Variants in INTU observed in about 807,000 individuals in gnomAD.
INTU encodes the protein inturned planar cell polarity protein.
A neutral mutation model predicts 100.5 loss-of-function variants in INTU; 68 were observed. That is an observed-to-expected ratio of 0.68 (90% CI 0.56 to 0.83). The LOEUF is 0.83. INTU is among the 40% of genes least tolerant of loss of function. The pLI, the probability that INTU is intolerant of heterozygous loss-of-function variation, is 0.00. For missense variants in INTU, 1,071 were observed against 1,114.7 expected, an observed-to-expected ratio of 0.96 and a Z score of 0.56; for synonymous variants, 357 against 395.7, an observed-to-expected ratio of 0.90 and a Z score of 1.16.
chr4:127,705,472 C>A, intron 10 of INTU, 119 bp from the exon 11 acceptor site: 1 of 748,058 alleles, frequency 1.3e-6, no homozygotes, highest in Non-Finnish European at 2.3e-6. Flanking sequence ...TCATTTACCC[C>A]ATTTGAAACT....
chr4:127,645,456 A>T (rs183564683), intron 2 of INTU, among the ~76,000 whole-genome samples: 105 of 152,322 alleles, frequency 6.9e-4, no homozygotes, highest in African/African-American at 2.5e-3. Flanking sequence ...CTGTAACTGC[A>T]TGAGGAATCC....
chr4:127,691,148 T>C (rs1730103610), intron 8 of INTU, among the ~76,000 whole-genome samples: 2 of 152,196 alleles, frequency 1.3e-5, no homozygotes, highest in African/African-American at 4.8e-5. Context: ...CTTAGTAATA[T>C]ACATTTTAAG....
chr4:127,706,410 A>T, intron 11 of INTU, 77 bp from the exon 12 acceptor site: 1 of 1,254,884 alleles, frequency 8.0e-7, no homozygotes, highest in Non-Finnish European at 1.1e-6. Context: ...TTCGATATTT[A>T]TAAGTTTATA....
intron 14 of INTU, among the ~76,000 whole-genome samples, chr4:127,711,535 C>A (rs1249292343): frequency 6.6e-6 from 1 of 152,134 alleles, no homozygotes; most frequent in East Asian, 1.9e-4. Flanking sequence ...CCCCCTGGGC[C>A]ACATACCAGT....
intron 1 of INTU, among the ~76,000 whole-genome samples, chr4:127,642,310 T>C (rs966348489): frequency 5.6e-4 from 85 of 152,224 alleles, no homozygotes; most frequent in Non-Finnish European, 8.2e-4. Flanking sequence ...AAAGAAATGT[T>C]AGTTTTGATA....
In INTU at chr4:127,657,642, G is replaced by T. The variant is rs146890734; in HGVS notation, c.768+921G>T. Among the ~76,000 whole-genome samples, 41 of 152,016 alleles carry T rather than the reference G, an allele frequency of 2.7e-4. 1 individual carries two copies. The highest frequency in any genetic ancestry group is 3.4e-3 in the Middle Eastern group (1 of 294). On this transcript the variant is annotated intron_variant, in intron 3 of 15. Coordinates refer to ENST00000335251, the MANE Select transcript of INTU (RefSeq NM_015693.4). ...CAGGGGTGGCATTAGATTCTCCTAGGAGCACGAACCCTATTGTGATCTGTG... is the reference window on the plus strand; with the variant it reads ...CAGGGGTGGCATTAGATTCTCCTAGTAGCACGAACCCTATTGTGATCTGTG...
At chr4:127,675,804 C>A in intron 6 of INTU, 1 of 173,256 alleles carries the variant, frequency 5.8e-6, no homozygotes, top group East Asian at 1.6e-4. Context: ...AGCCAAAAGA[C>A]AGAAAGAGGG....
intron 6 of INTU, among the ~76,000 whole-genome samples, chr4:127,679,228 G>C (rs1049327211): frequency 2.6e-5 from 4 of 152,124 alleles, no homozygotes; most frequent in African/African-American, 9.7e-5. Context: ...CCCAGGAATT[G>C]AACTCAGCTC....
intron 2 of INTU, among the ~76,000 whole-genome samples, chr4:127,649,794 A>T (rs1727756686): frequency 6.6e-6 from 1 of 152,218 alleles, no homozygotes; most frequent in Non-Finnish European, 1.5e-5. Flanking sequence ...TGCCTGGCAC[A>T]CATTAAGTGC....
chr4:127,651,073 T>G lies in INTU; in HGVS notation c.683-5563T>G, dbSNP rs1254828508. ...CACTTTTTGATGGGGTTGTTTGTTT[T>G]TTTCTTGTAAATTTGTTTGAGTTCA... On this transcript the variant is annotated intron_variant, in intron 2 of 15. Coordinates refer to ENST00000335251, the MANE Select transcript of INTU (RefSeq NM_015693.4). Among the ~76,000 whole-genome samples the G allele has an allele frequency of 8.5e-5, 13 of 152,234 alleles. No individual in the cohort carries two copies. The East Asian group carries it at 2.1e-3, about 25-fold the overall frequency.
intron 2 of INTU, among the ~76,000 whole-genome samples, chr4:127,649,383 C>T (rs975872819): frequency 6.6e-6 from 1 of 152,112 alleles, no homozygotes; most frequent in African/African-American, 2.4e-5. Context: ...AACAAAGACT[C>T]TCAATGCCTC....
At chr4:127,673,378 TCTTA>T (rs1369657342) in intron 5 of INTU, among the ~76,000 whole-genome samples, 1 of 150,174 alleles carries the variant, frequency 6.7e-6, no homozygotes, top group Non-Finnish European at 1.5e-5. Context: ...AGAGATGCGG[TCTTA>T]CTTTGTTCCC....
At chr4:127,694,041 T>C (rs1730272980) in intron 8 of INTU, among the ~76,000 whole-genome samples, 2 of 152,118 alleles carry the variant, frequency 1.3e-5, no homozygotes. Context: ...TCTCTTTCTG[T>C]TATGTCCCTC....
intron 5 of INTU, among the ~76,000 whole-genome samples, chr4:127,672,712 G>C (rs1490317321): frequency 2.0e-5 from 3 of 151,840 alleles, no homozygotes; most frequent in African/African-American, 7.3e-5. Flanking sequence ...TACTATAAGA[G>C]GCTAATATTT....
At chr4:127,712,652 AG>A (rs1419286280) in intron 14 of INTU, among the ~76,000 whole-genome samples, 2 of 152,194 alleles carry the variant, frequency 1.3e-5, no homozygotes, top group Non-Finnish European at 2.9e-5. Flanking sequence ...TAAGGATTAG[AG>A]GTGGGAGTGA....
rs1731274363 is a variant in INTU, at chr4:127,716,783, T to G, written c.*347T>G. On this transcript the variant is annotated 3_prime_UTR_variant, in exon 16 of 16. Coordinates refer to ENST00000335251, the MANE Select transcript of INTU (RefSeq NM_015693.4). ...TGTTTATTCTTGAAAAATACTCAAT[T>G]TGTTGTTGTTTATTTTTCTCAAAAT... The G allele has an allele frequency of 6.6e-6, 1 of 152,240 alleles. No individual in the cohort carries two copies. The highest frequency in any genetic ancestry group is 2.4e-5 in the African/African-American group (1 of 41,276). The allele number at this position is 152,240 out of a possible 1,614,324, so 9.4% of individuals were successfully genotyped here.
intron 7 of INTU, 146 bp downstream of exon 7, chr4:127,684,632 T>TTCCTCCTCC: frequency 1.9e-6 from 1 of 528,978 alleles, no homozygotes; most frequent in South Asian, 2.8e-5. Context: ...TTCCTTCCTC[T>TTCCTCCTCC]TCCTCCTCCT....
Position 127,716,329 on chromosome 4 carries a change from CT to C in INTU, c.2727del (p.Leu910PhefsTer23). 4 of 1,531,620 alleles carry C rather than the reference CT, an allele frequency of 2.6e-6. No individual in the cohort carries two copies. Among genetic ancestry groups the C allele is most frequent in the Admixed American group, 2.0e-5 (1 of 50,600 alleles). 94.9% of individuals were successfully genotyped at this position (1,531,620 alleles called of 1,614,324 possible). ...GTGTGTTCTTTTCTTCTGCAGGAGA[CT>C]TTTTCTTCATCCAAAACCTCAAGAA... ...PVMAYWVVGR[L>X]FLHPKPQELY... On this transcript the variant is annotated frameshift_variant, in exon 16 of 16. Coordinates refer to ENST00000335251, the MANE Select transcript of INTU (RefSeq NM_015693.4). LOFTEE classifies it high-confidence loss of function.
At chr4:127,705,091 A>C (rs943316932) in intron 10 of INTU, among the ~76,000 whole-genome samples, 3 of 152,188 alleles carry the variant, frequency 2.0e-5, no homozygotes, top group African/African-American at 7.2e-5. Context: ...CTGTCTCAAA[A>C]AAAAAAAAAT....
Sources: allele counts gnomAD v4.1 joint callset (sites outside exome capture counted in the v4.1 genomes callset), GRCh38; gene constraint gnomAD v4.1.1; transcripts MANE v1.5; gene names NCBI Gene and HGNC (gene_info 2026-07-23, HGNC 2026-07-21).